The following SLC23A2 variants were observed in gnomAD, a reference collection of about 807,000 sequenced individuals.
The protein encoded by SLC23A2 is Na(+)/L-ascorbic acid transporter 2.
In SLC23A2, 36 loss-of-function variants were observed where a neutral mutation model predicts 73.3. That is an observed-to-expected ratio of 0.49 (90% CI 0.38 to 0.65). SLC23A2 has a LOEUF of 0.65. Ranked by LOEUF, SLC23A2 falls within the 30% of genes least tolerant of loss-of-function variation. The pLI, the probability that SLC23A2 is intolerant of heterozygous loss-of-function variation, is 0.00. For missense variants in SLC23A2, 507 were observed against 841.6 expected (o/e 0.60, Z 4.92); for synonymous variants, 343 against 327.3 (o/e 1.05, Z -0.52).
At chr20:4,893,069 A>C (rs1016617066) in intron 6 of SLC23A2, among the ~76,000 whole-genome samples, 1 of 149,060 alleles carries the variant, frequency 6.7e-6, no homozygotes, top group African/African-American at 2.5e-5. Flanking sequence ...CTGCAACTTT[A>C]CTTTTTTTTT....
intron 6 of SLC23A2, among the ~76,000 whole-genome samples, chr20:4,890,917 A>G (rs1320180043): frequency 6.6e-6 from 1 of 152,220 alleles, no homozygotes; most frequent in Non-Finnish European, 1.5e-5. Context: ...ACCTATGTCT[A>G]TCAATCTAAC....
At position 4,857,846 on chromosome 20, in the gene SLC23A2, G is replaced by T. The variant is rs1260587052; in HGVS notation, c.1721-642C>A. On this transcript the variant is annotated intron_variant, in intron 16 of 16. Coordinates refer to ENST00000338244, the MANE Select transcript of SLC23A2 (RefSeq NM_005116.6). This position sits in a 1 kb window ranked among gnomAD's most constrained non-coding sequence, Gnocchi z 4.0. ...CTCAGGAGGCTGAGACAGGAGAATT[G>T]CTTGAACCCGAGAGGCAGAGACTGC... Among the ~76,000 whole-genome samples, 1 of 152,148 alleles carries T rather than the reference G, an allele frequency of 6.6e-6. No homozygotes were observed. The highest frequency in any genetic ancestry group is 1.5e-5 in the Non-Finnish European group (1 of 68,020).
At position 4,862,029 on chromosome 20, in the gene SLC23A2, G is replaced by T; in HGVS notation, c.1543C>A (p.Arg515=). 1 of 1,614,086 alleles carries T rather than the reference G, an allele frequency of 6.2e-7. No individual in the cohort carries two copies. The highest frequency in any genetic ancestry group is 8.5e-7 in the Non-Finnish European group (1 of 1,179,936). ...NLQFIDLNSS[R]NLFVLGFSIF... ...GAAAATCCAAGCACAAAGAGGTTCC[G>T]GGAAGAATTTAAATCAATGAACTGC... is the stretch of plus-strand genomic sequence containing the variant. The change falls in exon 15 of 17, where the codon CGG becomes AGG. Residue 515 remains arginine, a synonymous_variant. Coordinates refer to ENST00000338244, the MANE Select transcript of SLC23A2 (RefSeq NM_005116.6). The surrounding 1 kb of genome is among the most constrained non-coding windows in gnomAD (Gnocchi z 5.1).
intron 2 of SLC23A2, among the ~76,000 whole-genome samples, chr20:4,951,827 G>T (rs555639914): frequency 3.9e-5 from 6 of 152,158 alleles, no homozygotes; most frequent in African/African-American, 1.4e-4. Flanking sequence ...AATGAGGTCG[G>T]GTGTGGTGGC....
chr20:4,900,248 C>T (rs1292996863), intron 5 of SLC23A2, among the ~76,000 whole-genome samples: 1 of 152,210 alleles, frequency 6.6e-6, no homozygotes, highest in Admixed American at 6.5e-5. Flanking sequence ...TGAATCCATG[C>T]CTCACAAAGG....
chr20:4,959,498 T>C (rs1306438094), intron 2 of SLC23A2, among the ~76,000 whole-genome samples: 5 of 152,146 alleles, frequency 3.3e-5, no homozygotes, highest in Non-Finnish European at 7.4e-5. Flanking sequence ...TTATTTTTTA[T>C]TTGTATTTAT....
upstream of SLC23A2, among the ~76,000 whole-genome samples, chr20:5,005,758 T>A (rs905636433): frequency 3.9e-5 from 6 of 152,114 alleles, no homozygotes; most frequent in Non-Finnish European, 8.8e-5. Context: ...GAGGCCGAGA[T>A]GGGTGGATCA....
intron 1 of SLC23A2, among the ~76,000 whole-genome samples, chr20:4,985,255 C>A (rs1190297857): frequency 3.3e-5 from 5 of 151,880 alleles, no homozygotes; most frequent in Non-Finnish European, 7.4e-5. Context: ...TTCAAATGTT[C>A]ATAACAGCAT....
At chr20:4,961,681 G>C (rs1436928009) in intron 2 of SLC23A2, among the ~76,000 whole-genome samples, 3 of 152,180 alleles carry the variant, frequency 2.0e-5, no homozygotes, top group African/African-American at 7.2e-5. Context: ...ACATGACTGA[G>C]ATTCCAGCCC....
intron 1 of SLC23A2, among the ~76,000 whole-genome samples, chr20:4,972,582 TTG>T (rs914158742): frequency 4.6e-5 from 7 of 151,850 alleles, no homozygotes; most frequent in Admixed American, 3.9e-4. Context: ...TGGGGTTTTT[TTG>T]TTGTTGTTGT....
rs556717762 is a variant in SLC23A2 at position 4,899,563 on chromosome 20, A to G, written c.474T>C (p.Phe158=). 1 of 1,614,154 alleles carries G rather than the reference A, an allele frequency of 6.2e-7. No individual in the cohort carries two copies. The highest frequency in any genetic ancestry group is 1.3e-5 in the African/African-American group (1 of 75,048). Residue 158 remains phenylalanine (F), a synonymous_variant, in exon 6 of 17, where the codon TTT becomes TTC. Coordinates refer to ENST00000338244, the MANE Select transcript of SLC23A2 (RefSeq NM_005116.6). This position sits in a 1 kb window ranked among gnomAD's most constrained non-coding sequence, Gnocchi z 4.9. ...TAGTACCCCAATCTCACCTGCATCC[A>G]AACGTTGTCTGTAGCAAAGTAGTGA... ...VGITTLLQTT[F]GCRLPLFQAS... is the part of the protein sequence containing the mutation.
chr20:4,988,585 A>C (rs982572332), intron 1 of SLC23A2, among the ~76,000 whole-genome samples: 1 of 151,562 alleles, frequency 6.6e-6, no homozygotes, highest in South Asian at 2.1e-4. Flanking sequence ...GAAATACAAA[A>C]ATTTGCCAGG....
At chr20:4,866,881 G>A (rs1456931493) in intron 13 of SLC23A2, among the ~76,000 whole-genome samples, 3 of 151,980 alleles carry the variant, frequency 2.0e-5, no homozygotes, top group Non-Finnish European at 2.9e-5. Context: ...CCTGTGAGAC[G>A]TAGGCCATCG....
chr20:4,877,599 G>A (rs750192979), intron 9 of SLC23A2, among the ~76,000 whole-genome samples: 1 of 151,980 alleles, frequency 6.6e-6, no homozygotes, highest in Non-Finnish European at 1.5e-5. Context: ...GGAGTAGGAG[G>A]GGACTATTAT....
chr20:4,877,947 C>T (rs979706255), intron 9 of SLC23A2, among the ~76,000 whole-genome samples: 1 of 152,254 alleles, frequency 6.6e-6, no homozygotes, highest in Admixed American at 6.5e-5. Flanking sequence ...TTAGTTTGTA[C>T]AACCTCATTC....
At chr20:4,897,720 T>A (rs907234041) in intron 6 of SLC23A2, among the ~76,000 whole-genome samples, 1 of 152,102 alleles carries the variant, frequency 6.6e-6, no homozygotes, top group African/African-American at 2.4e-5. Context: ...CCCCAGGCCC[T>A]CCCTTCTGTG....
chr20:4,923,710 C>T (rs991039444), intron 3 of SLC23A2, among the ~76,000 whole-genome samples: 1 of 152,180 alleles, frequency 6.6e-6, no homozygotes, highest in African/African-American at 2.4e-5. Context: ...TCCAAACTCT[C>T]TATTTAGGGA....
chr20:5,009,274 G>A (rs1046267561), intron 1 of SLC23A2, among the ~76,000 whole-genome samples: 1 of 152,078 alleles, frequency 6.6e-6, no homozygotes. Context: ...GGGATAAGGA[G>A]AGTGTGGCTA....
At chr20:4,970,609 C>T (rs150196142) in intron 2 of SLC23A2, among the ~76,000 whole-genome samples, 184 bp downstream of exon 2, 1 of 152,248 alleles carries the variant, frequency 6.6e-6, no homozygotes, top group Non-Finnish European at 1.5e-5. Flanking sequence ...CCATGGCTCA[C>T]GTCTGTAGTC....
Sources: allele counts gnomAD v4.1 joint callset (sites outside exome capture counted in the v4.1 genomes callset), GRCh38; gene constraint gnomAD v4.1.1; non-coding constraint Gnocchi (gnomAD v3.1); transcripts MANE v1.5; gene names NCBI Gene and HGNC (gene_info 2026-07-23, HGNC 2026-07-21).